Variants in NREP observed in about 807,000 individuals in gnomAD.
The protein encoded by NREP is neuronal regeneration related protein, also known as neuronal regeneration-related protein.
Under a neutral mutation model 8.6 loss-of-function variants are expected in NREP, and 5 were observed. The observed-to-expected ratio is 0.58, with a 90% CI of 0.30 to 1.22. The LOEUF (loss-of-function observed/expected upper bound fraction) is 1.22, where lower values mean the gene tolerates loss of function less well. Ranked by LOEUF, NREP falls within the 50% of genes most tolerant of loss-of-function variation. NREP has a pLI of 0.07. For missense variants in NREP, 86 were observed against 82.5 expected (o/e 1.04, Z -0.17); for synonymous variants, 27 against 28.0 (o/e 0.96, Z 0.11).
chr5:111,884,490 C>G (rs1754182877), intron 2 of NREP, among the ~76,000 whole-genome samples: 1 of 152,088 alleles, frequency 6.6e-6, no homozygotes, highest in African/African-American at 2.4e-5. Flanking sequence ...CAGCATCATC[C>G]TGATACCAAA....
At chr5:111,926,213 G>A (rs1346883274) in intron 2 of NREP, among the ~76,000 whole-genome samples, 1 of 152,162 alleles carries the variant, frequency 6.6e-6, no homozygotes, top group Non-Finnish European at 1.5e-5. Flanking sequence ...GCGAAACTGG[G>A]GAAGTGGGGA....
intron 2 of NREP, among the ~76,000 whole-genome samples, chr5:111,864,707 A>T (rs754793181): frequency 9.9e-5 from 15 of 152,154 alleles, no homozygotes; most frequent in Non-Finnish European, 1.9e-4. Flanking sequence ...ATGGATTATC[A>T]GGAAAAAAGA....
chr5:111,772,860 A>G (rs1316919278), intron 2 of NREP, among the ~76,000 whole-genome samples: 2 of 152,216 alleles, frequency 1.3e-5, no homozygotes, highest in Non-Finnish European at 2.9e-5. Flanking sequence ...TGTGTTTCAT[A>G]GCATGACAGC....
At chr5:111,976,307 G>A (rs1756962321) in intron 1 of NREP, among the ~76,000 whole-genome samples, 2 of 152,176 alleles carry the variant, frequency 1.3e-5, no homozygotes, top group Admixed American at 6.5e-5. Flanking sequence ...AAGAGGTATA[G>A]GTTCTACAGC....
intron 2 of NREP, among the ~76,000 whole-genome samples, chr5:111,868,909 C>A (rs1360943996): frequency 6.6e-6 from 1 of 151,706 alleles, no homozygotes; most frequent in Non-Finnish European, 1.5e-5. Context: ...AAGGATTTAG[C>A]AACATGAATT....
upstream of NREP, chr5:111,757,638 G>C (rs1007290917): frequency 7.1e-6 from 7 of 982,834 alleles, no homozygotes; most frequent in South Asian, 2.8e-4. Flanking sequence ...CCGCACCCGC[G>C]CCCCGGGCGC....
At chr5:111,790,347 C>CTTTT (rs57775701) in intron 2 of NREP, among the ~76,000 whole-genome samples, 9 of 59,642 alleles carry the variant, frequency 1.5e-4, no homozygotes, top group Admixed American at 3.0e-4. Flanking sequence ...AAAACCTTAA[C>CTTTT]TTTTTTTTTT....
At chr5:111,946,915 C>A (rs1028234649) in intron 2 of NREP, among the ~76,000 whole-genome samples, 2 of 152,006 alleles carry the variant, frequency 1.3e-5, no homozygotes, top group South Asian at 2.1e-4. Flanking sequence ...AACCAACCAA[C>A]CAAGAAAATA....
At chr5:111,924,561 T>C (rs1755331880) in intron 2 of NREP, among the ~76,000 whole-genome samples, 1 of 152,122 alleles carries the variant, frequency 6.6e-6, no homozygotes, top group Non-Finnish European at 1.5e-5. Context: ...CTGAATGAAT[T>C]GGGACTATGG....
intron 2 of NREP, among the ~76,000 whole-genome samples, chr5:111,975,054 G>A (rs1265441365): frequency 6.6e-6 from 1 of 152,238 alleles, no homozygotes; most frequent in African/African-American, 2.4e-5. Context: ...CACTTCCACA[G>A]GGAATGAAGT....
chr5:111,875,322 A>C, intron 2 of NREP, among the ~76,000 whole-genome samples: 1 of 152,140 alleles, frequency 6.6e-6, no homozygotes, highest in Non-Finnish European at 1.5e-5. Context: ...ATAGATAGAA[A>C]ATGCATTTTA....
At chr5:111,900,669 G>A (rs907467163) in intron 2 of NREP, among the ~76,000 whole-genome samples, 6 of 152,066 alleles carry the variant, frequency 3.9e-5, no homozygotes, top group African/African-American at 1.4e-4. Flanking sequence ...AGAGAAAATT[G>A]CTAAATTCCT....
chr5:111,730,971 C>T lies in NREP; in HGVS notation c.157G>A (p.Gly53Ser). The T allele has an allele frequency of 6.2e-7, 1 of 1,613,804 alleles. No individual in the cohort carries two copies. Among genetic ancestry groups the T allele is most frequent in the Non-Finnish European group, 8.5e-7 (1 of 1,179,814 alleles). ...ETNAASLTPL[G>S]SSELRSPRIS... ...CTTGGGGAGCGGAGTTCACTGCTGC[C>T]CAGTGGAGTCAGGGAGGCAGCGTTT... The change falls in exon 4 of 4, where the codon GGC becomes AGC. Residue 53 changes from glycine to serine, a missense_variant. Gly to Ser is a moderately conservative substitution (Grantham distance 56). Transcript: ENST00000257435.
At chr5:111,857,930 A>G (rs984626481) in intron 2 of NREP, among the ~76,000 whole-genome samples, 2 of 152,034 alleles carry the variant, frequency 1.3e-5, no homozygotes, top group Admixed American at 6.6e-5. Flanking sequence ...AGTCTCTTTC[A>G]ATACCAAGCC....
At chr5:111,904,274 G>C (rs1447518958) in intron 2 of NREP, among the ~76,000 whole-genome samples, 1 of 152,060 alleles carries the variant, frequency 6.6e-6, no homozygotes, top group Non-Finnish European at 1.5e-5. Flanking sequence ...GATGTGTTTT[G>C]ACAAATGTAT....
intron 2 of NREP, among the ~76,000 whole-genome samples, chr5:111,821,744 T>G (rs555025638): frequency 6.6e-6 from 1 of 152,178 alleles, no homozygotes; most frequent in East Asian, 1.9e-4. Context: ...TTCACCAAAC[T>G]CATTCAGCAT....
intron 2 of NREP, among the ~76,000 whole-genome samples, chr5:111,898,234 T>C (rs1754559833): frequency 6.6e-6 from 1 of 152,130 alleles, no homozygotes; most frequent in Admixed American, 6.5e-5. Flanking sequence ...CAGGAAAATA[T>C]GGAAGGAGGC....
intron 2 of NREP, among the ~76,000 whole-genome samples, chr5:111,804,016 T>C (rs1418737399): frequency 6.6e-6 from 1 of 152,194 alleles, no homozygotes; most frequent in Non-Finnish European, 1.5e-5. Flanking sequence ...TCCCTGGATC[T>C]AACAAGTTGA....
intron 2 of NREP, among the ~76,000 whole-genome samples, chr5:111,771,591 C>T (rs999636841): frequency 2.0e-5 from 3 of 151,888 alleles, no homozygotes; most frequent in Admixed American, 6.6e-5. Flanking sequence ...GGAGAAAACT[C>T]GTCTCTACTA....
Sources: gnomAD v4.1 joint callset for allele counts (sites outside exome capture counted in the v4.1 genomes callset) on GRCh38, gnomAD v4.1.1 for gene constraint, MANE v1.5 for transcripts, NCBI Gene and HGNC (gene_info 2026-07-23, HGNC 2026-07-21) for gene names.